Variants in ADGRG2 observed in about 807,000 individuals in gnomAD.
ADGRG2 encodes adhesion G protein-coupled receptor G2.
A neutral mutation model predicts 74.1 loss-of-function variants in ADGRG2; 26 were observed. The observed-to-expected ratio is 0.35, with a 90% CI of 0.26 to 0.49. The LOEUF is 0.49. ADGRG2 is among the 20% of genes least tolerant of loss of function. The pLI is 0.99. For missense variants in ADGRG2, 619 were observed against 763.1 expected (o/e 0.81, Z 2.22); for synonymous variants, 296 against 295.2 (o/e 1.00, Z -0.03).
At chrX:19,051,120 G>A (rs922171412) in intron 3 of ADGRG2, among the ~76,000 whole-genome samples, 1 of 111,690 alleles carries the variant, frequency 9.0e-6, no homozygotes, top group Non-Finnish European at 1.9e-5. Flanking sequence ...TTTCGCCCAG[G>A]CCGGACTGCA....
Position 19,119,524 on chromosome X carries a change from C to G in ADGRG2, c.-47+2918G>C, listed in dbSNP as rs753700731. Among the ~76,000 whole-genome samples the G allele has an allele frequency of 5.4e-5, 6 of 112,147 alleles. No homozygotes were observed. The East Asian group carries it at 1.7e-3, about 31-fold the overall frequency. On this transcript the variant is annotated intron_variant, in intron 1 of 28. Transcript: ENST00000379869. Reference sequence around the variant, plus strand: ...TAAAGTCAGAATCCCTCCTTTCTATCTTTTGAATCATGGACATCACAGAAA... The same window carrying G: ...TAAAGTCAGAATCCCTCCTTTCTATGTTTTGAATCATGGACATCACAGAAA...
intron 23 of ADGRG2, among the ~76,000 whole-genome samples, chrX:19,003,768 T>C (rs1017418402): frequency 8.9e-6 from 1 of 112,084 alleles, no homozygotes; most frequent in African/African-American, 3.2e-5. Flanking sequence ...TTCGGAAGCA[T>C]TGGTGCTGCT....
At chrX:19,021,751 G>A (rs139307430) in intron 13 of ADGRG2, among the ~76,000 whole-genome samples, 3,121 of 110,589 alleles carry the variant, frequency 0.028, 113 homozygotes, top group African/African-American at 0.098. Flanking sequence ...AGGTTCAAGC[G>A]ATTCTCCTCC....
At chrX:19,122,191 C>A (rs1012879883) in intron 1 of ADGRG2, among the ~76,000 whole-genome samples, 35 of 112,754 alleles carry the variant, frequency 3.1e-4, no homozygotes, top group African/African-American at 1.1e-3. Flanking sequence ...TCCTTTCCCA[C>A]GGCGCGCGGG....
Position 19,019,625 on chromosome X carries a change from G to T in ADGRG2, c.684C>A (p.Ser228=). ...CCSVRIPCPS[S]PEELEKLQCD... ...ACTGAAGCTTTTCCAACTCTTCTGG[G>T]GAGGAAGGGCAGGGTATCCTGACAG... The change falls in exon 15 of 29, where the codon TCC becomes TCA. Residue 228 remains serine, a synonymous_variant. Coordinates refer to ENST00000379869, the MANE Select transcript of ADGRG2 (RefSeq NM_001079858.3). The T allele has an allele frequency of 8.6e-7, 1 of 1,168,925 alleles. No homozygotes were observed. The highest frequency in any genetic ancestry group is 1.2e-6 in the Non-Finnish European group (1 of 857,758).
chrX:19,036,814 C>T (rs1009002890), intron 6 of ADGRG2, among the ~76,000 whole-genome samples: 1 of 111,317 alleles, frequency 9.0e-6, no homozygotes, highest in Non-Finnish European at 1.9e-5. Flanking sequence ...GATTGTTTAG[C>T]TCCTTAGCCA....
intron 1 of ADGRG2, among the ~76,000 whole-genome samples, chrX:19,118,185 C>T (rs1477859615): frequency 1.8e-5 from 2 of 111,456 alleles, no homozygotes. Context: ...AGGGAAAATT[C>T]CCTATATTAT....
At chrX:18,991,762 A>G (rs1021430619) in intron 28 of ADGRG2, among the ~76,000 whole-genome samples, 1 of 111,922 alleles carries the variant, frequency 8.9e-6, no homozygotes, top group Non-Finnish European at 1.9e-5. Context: ...GGCCTCCTCT[A>G]GTTACTTGGC....
intron 1 of ADGRG2, among the ~76,000 whole-genome samples, chrX:19,086,542 C>A (rs908485969): frequency 9.0e-6 from 1 of 111,314 alleles, no homozygotes; most frequent in African/African-American, 3.3e-5. Flanking sequence ...AAGGAAATGA[C>A]CTCCGGGTGT....
intron 4 of ADGRG2, among the ~76,000 whole-genome samples, chrX:19,038,329 G>A (rs1172524001): frequency 1.8e-5 from 2 of 111,946 alleles, no homozygotes; most frequent in African/African-American, 6.5e-5. Flanking sequence ...TTGCAGTATG[G>A]AGCCTGATTT....
chrX:19,035,675 G>GA (rs2060923319), intron 7 of ADGRG2: 10 of 221,928 alleles, frequency 4.5e-5, no homozygotes, highest in Admixed American at 1.4e-4. Context: ...ATCTTTATGA[G>GA]CTAATATGTA....
In ADGRG2 at chrX:19,027,382, C is replaced by A. The variant is rs147907977; in HGVS notation, c.415-108G>T. The stretch of plus-strand genomic sequence containing the variant: ...TTATCAGCCACTCAAATAACTATAC[C>A]CCAAAGACTGAATCCTAACTGTAAG... On this transcript the variant is annotated intron_variant, in intron 10 of 28. Coordinates refer to ENST00000379869, the MANE Select transcript of ADGRG2 (RefSeq NM_001079858.3). 8.3e-4 allele frequency: 440 copies of A among 532,916 alleles called. 1 individual carries two copies. In the African/African-American group the frequency reaches 9.3e-3, roughly 11 times the overall value. 43.9% of individuals were successfully genotyped at this position (532,916 alleles called of 1,213,427 possible).
chrX:19,095,055 G>A (rs1336727065), intron 1 of ADGRG2, among the ~76,000 whole-genome samples: 2 of 111,875 alleles, frequency 1.8e-5, no homozygotes, highest in Non-Finnish European at 3.8e-5. Flanking sequence ...TGAAAACTAC[G>A]AAACTGGACA....
At chrX:19,088,203 A>C (rs2061963288) in intron 1 of ADGRG2, among the ~76,000 whole-genome samples, 1 of 112,655 alleles carries the variant, frequency 8.9e-6, no homozygotes. Flanking sequence ...TTACTATTTC[A>C]CAAAAAGAAC....
At chrX:19,122,291 G>A (rs2062622974) in intron 1 of ADGRG2, among the ~76,000 whole-genome samples, 151 bp downstream of exon 1, 1 of 112,437 alleles carries the variant, frequency 8.9e-6, no homozygotes, top group South Asian at 3.5e-4. Flanking sequence ...ACAGCAGCCG[G>A]GCGGAAGGCG....
chrX:19,033,411 G>T, intron 8 of ADGRG2: 1 of 320,570 alleles, frequency 3.1e-6, no homozygotes, highest in Non-Finnish European at 5.5e-6. Flanking sequence ...CTTGAGGGTA[G>T]GCTCTGTGTC....
intron 26 of ADGRG2, 64 bp downstream of exon 26, chrX:18,998,932 T>C (rs1358427571): frequency 3.2e-6 from 3 of 939,436 alleles, no homozygotes; most frequent in Non-Finnish European, 4.5e-6. Context: ...TGTACTCTTT[T>C]AGTAGCTACA....
At chrX:19,020,219 C>T (rs1354605513) in intron 14 of ADGRG2, among the ~76,000 whole-genome samples, 1 of 111,520 alleles carries the variant, frequency 9.0e-6, no homozygotes, top group African/African-American at 3.3e-5. Context: ...GAGAGTAGAC[C>T]TTAAATGTTC....
At chrX:19,026,747 C>T (rs919064104) in intron 11 of ADGRG2, among the ~76,000 whole-genome samples, 3 of 111,055 alleles carry the variant, frequency 2.7e-5, no homozygotes, top group Non-Finnish European at 1.9e-5. Flanking sequence ...CCACCTGCCT[C>T]GGCCTCCAAA....
Sources: gnomAD v4.1 joint callset for allele counts (sites outside exome capture counted in the v4.1 genomes callset) on GRCh38, gnomAD v4.1.1 for gene constraint, MANE v1.5 for transcripts, NCBI Gene and HGNC (gene_info 2026-07-23, HGNC 2026-07-21) for gene names.